TEAD4: variants seen among roughly 807,000 people sequenced by gnomAD.
TEAD4 encodes the protein TEA domain transcription factor 4, also known as transcriptional enhancer factor TEF-3.
TEAD4 carries 36 observed loss-of-function variants against 52.4 expected under a neutral mutation model. The ratio of observed to expected loss-of-function variants is 0.69; its 90% CI spans 0.53 to 0.91. TEAD4 has a LOEUF of 0.91. Among genes scored for constraint, TEAD4 ranks in the 40% least tolerant of loss-of-function variants. TEAD4 has a pLI of 0.00. For synonymous variants in TEAD4, 220 were observed against 231.0 expected (o/e 0.95, Z 0.43); for missense variants, 508 against 583.9 (o/e 0.87, Z 1.34).
intron 3 of TEAD4, among the ~76,000 whole-genome samples, chr12:3,006,757 G>C (rs988024857): frequency 2.0e-5 from 3 of 152,156 alleles, no homozygotes; most frequent in Non-Finnish European, 2.9e-5. Context: ...CGGGTGTGGT[G>C]GCTGATGCCT....
intron 2 of TEAD4, among the ~76,000 whole-genome samples, chr12:2,986,506 G>C (rs2098238637): frequency 6.6e-6 from 1 of 151,932 alleles, no homozygotes; most frequent in Non-Finnish European, 1.5e-5. Context: ...CGGGCGTGGT[G>C]GTACGTGCCT....
chr12:2,992,151 TG>T (rs2098243654), intron 2 of TEAD4, among the ~76,000 whole-genome samples: 1 of 151,668 alleles, frequency 6.6e-6, no homozygotes, highest in African/African-American at 2.4e-5. Flanking sequence ...CCTGAGTAGC[TG>T]GGATTACAGG....
chr12:3,010,155 C>T (rs984270856), intron 3 of TEAD4, among the ~76,000 whole-genome samples: 3 of 152,262 alleles, frequency 2.0e-5, no homozygotes, highest in African/African-American at 4.8e-5. Flanking sequence ...CTTGCCTGAC[C>T]ACCCAGCCCG....
At chr12:3,022,531 C>G (rs1037079089) in intron 10 of TEAD4, among the ~76,000 whole-genome samples, 2 of 152,190 alleles carry the variant, frequency 1.3e-5, no homozygotes, top group Admixed American at 1.3e-4. Context: ...GAGGCCACCC[C>G]ACAAGAAACA....
At chr12:2,961,350 A>C (rs1385432151) in intron 2 of TEAD4, among the ~76,000 whole-genome samples, 1 of 151,852 alleles carries the variant, frequency 6.6e-6, no homozygotes, top group Non-Finnish European at 1.5e-5. Context: ...TGAGGGCTTC[A>C]ACGTGGATAT....
intron 3 of TEAD4, among the ~76,000 whole-genome samples, chr12:3,005,319 G>A (rs1277128632): frequency 7.0e-6 from 1 of 142,184 alleles, no homozygotes; most frequent in East Asian, 1.9e-4. Flanking sequence ...TTTTAGACAA[G>A]GTCTTACTCT....
intron 2 of TEAD4, among the ~76,000 whole-genome samples, chr12:2,987,810 A>G (rs1446208898): frequency 6.6e-6 from 1 of 151,742 alleles, no homozygotes; most frequent in Non-Finnish European, 1.5e-5. Flanking sequence ...TCACACCTGT[A>G]ATCCCAGCAC....
intron 3 of TEAD4, among the ~76,000 whole-genome samples, chr12:2,996,333 G>A (rs1176575795): frequency 6.6e-6 from 1 of 152,004 alleles, no homozygotes; most frequent in Non-Finnish European, 1.5e-5. Context: ...TTCTGGGTCG[G>A]CCCTCTAGAC....
chr12:3,026,715 A>G (rs1021521903), intron 10 of TEAD4, among the ~76,000 whole-genome samples: 4 of 152,176 alleles, frequency 2.6e-5, no homozygotes, highest in East Asian at 3.9e-4. Context: ...ACATCCTTTT[A>G]TGGATGTATC....
intron 10 of TEAD4, 140 bp from the exon 11 acceptor site, chr12:3,037,828 T>C (rs1278582402): frequency 2.9e-5 from 29 of 1,004,688 alleles, no homozygotes; most frequent in Admixed American, 1.3e-4. Flanking sequence ...TGTGGAAGCT[T>C]TCTGGCGTCC....
At chr12:3,029,147 C>T (rs1048570569) in intron 10 of TEAD4, among the ~76,000 whole-genome samples, 8 of 151,806 alleles carry the variant, frequency 5.3e-5, no homozygotes, top group Non-Finnish European at 8.8e-5. Context: ...TTGCTCACTG[C>T]AACCTTGAAC....
intron 2 of TEAD4, among the ~76,000 whole-genome samples, chr12:2,983,929 G>T (rs955551760): frequency 6.6e-5 from 10 of 152,248 alleles, no homozygotes; most frequent in African/African-American, 2.4e-4. Flanking sequence ...GGAGATGGGG[G>T]CTGGATATGG....
chr12:3,037,991 G>C lies in TEAD4; in HGVS notation c.921G>C (p.Glu307Asp). 6.2e-7 allele frequency: 1 copy of C among 1,613,918 alleles called. No homozygotes were observed. The highest frequency in any genetic ancestry group is 8.5e-7 in the Non-Finnish European group (1 of 1,179,874). Residue 307 changes from glutamate (E) to aspartate (D), a missense_variant, in exon 11 of 13, where the codon GAG becomes GAC. Glu to Asp is a conservative substitution (Grantham distance 45, BLOSUM62 2). Transcript: ENST00000359864. ...AGGCAGACCTCAACACCAACATCGA[G>C]GATGAAGGCAGCTCCTTCTATGGGG...
intron 2 of TEAD4, among the ~76,000 whole-genome samples, chr12:2,977,320 C>G (rs928322048): frequency 2.0e-5 from 3 of 152,196 alleles, no homozygotes; most frequent in African/African-American, 7.2e-5. Flanking sequence ...CCCCTTCCTG[C>G]TCTCTCTCCC....
intron 2 of TEAD4, among the ~76,000 whole-genome samples, chr12:2,993,123 C>T (rs1485533982): frequency 2.0e-5 from 3 of 152,148 alleles, no homozygotes; most frequent in Admixed American, 1.3e-4. Flanking sequence ...GTAAAAAAGA[C>T]CACAAAATGT....
Position 3,018,567 on chromosome 12 carries a change from G to C in TEAD4, c.506G>C (p.Gly169Ala). 1 of 1,614,076 alleles carries C rather than the reference G, an allele frequency of 6.2e-7. No homozygotes were observed. Residue 169 changes from glycine to alanine, a missense_variant, in exon 7 of 13, where the codon GGC becomes GCC. Transcript: ENST00000359864. ...CAGTTTTGGCAAGGAGCTTTGCCAGGCCAAGCCGGAACGTCCCATGAGTGA... is the reference window on the plus strand; with the variant it reads ...CAGTTTTGGCAAGGAGCTTTGCCAGCCCAAGCCGGAACGTCCCATGAGTGA...
chr12:3,040,046 G>T, intron 11 of TEAD4, 61 bp from the exon 12 acceptor site: 1 of 1,597,114 alleles, frequency 6.3e-7, no homozygotes, highest in Non-Finnish European at 8.6e-7. Context: ...CGTGGAGTTG[G>T]GTCTGGGCTG....
chr12:2,981,919 C>T (rs1213981339), intron 2 of TEAD4, among the ~76,000 whole-genome samples: 1 of 152,132 alleles, frequency 6.6e-6, no homozygotes, highest in Admixed American at 6.6e-5. Flanking sequence ...AGCCCAGTGA[C>T]CCCCAAAATC....
intron 2 of TEAD4, among the ~76,000 whole-genome samples, chr12:2,974,246 A>G (rs866324560): frequency 7.9e-5 from 12 of 152,224 alleles, no homozygotes; most frequent in African/African-American, 2.6e-4. Context: ...CAGGTGATCC[A>G]CCTGCCTCGG....
Sources: allele counts gnomAD v4.1 joint callset (sites outside exome capture counted in the v4.1 genomes callset), GRCh38; gene constraint gnomAD v4.1.1; transcripts MANE v1.5; gene names NCBI Gene and HGNC (gene_info 2026-07-23, HGNC 2026-07-21).